MSN: variants seen among roughly 807,000 people sequenced by gnomAD.
The protein encoded by MSN is moesin.
Under a neutral mutation model 48.0 loss-of-function variants are expected in MSN, and 2 were observed. The observed-to-expected ratio is 0.04, with a 90% CI of 0.02 to 0.13. The LOEUF (loss-of-function observed/expected upper bound fraction) is 0.13, where lower values mean the gene tolerates loss of function less well. Ranked by LOEUF, MSN falls within the 10% of genes least tolerant of loss-of-function variation. The pLI, the probability that MSN is intolerant of heterozygous loss-of-function variation, is 1.00. For synonymous variants in MSN, 146 were observed against 166.9 expected (o/e 0.87, Z 0.97); for missense variants, 267 against 470.1 (o/e 0.57, Z 3.99).
intron 1 of MSN, among the ~76,000 whole-genome samples, chrX:65,617,621 C>T (rs1190147715): frequency 8.7e-4 from 88 of 100,610 alleles, no homozygotes; most frequent in African/African-American, 3.3e-3. Flanking sequence ...GTCTTGCTAG[C>T]GGTCTATCAA....
chrX:65,711,678 G>A (rs1010773518), intron 1 of MSN, among the ~76,000 whole-genome samples: 6 of 111,613 alleles, frequency 5.4e-5, no homozygotes, highest in African/African-American at 2.0e-4. Flanking sequence ...CAAATATTTC[G>A]ATATAATTTT....
chrX:65,728,904 G>A (rs1439341973), intron 3 of MSN, among the ~76,000 whole-genome samples: 2 of 111,457 alleles, frequency 1.8e-5, no homozygotes, highest in East Asian at 5.6e-4. Flanking sequence ...ATTGTGTCTA[G>A]GGAGTAGGTA....
chrX:65,645,983 T>G (rs1328336972), intron 1 of MSN, among the ~76,000 whole-genome samples: 1 of 112,220 alleles, frequency 8.9e-6, no homozygotes, highest in Non-Finnish European at 1.9e-5. Flanking sequence ...TTGAAGCATT[T>G]TGAATTCTGG....
intron 1 of MSN, among the ~76,000 whole-genome samples, chrX:65,697,884 T>C (rs1482838850): frequency 8.9e-6 from 1 of 112,129 alleles, no homozygotes; most frequent in Admixed American, 9.4e-5. Context: ...TAGAAGTTGC[T>C]CCTAGTGTTA....
chrX:65,693,245 A>G (rs1055161948), intron 1 of MSN, among the ~76,000 whole-genome samples: 1 of 111,717 alleles, frequency 9.0e-6, no homozygotes, highest in African/African-American at 3.3e-5. Context: ...TTAAAATTGT[A>G]CTTTTCAAAA....
intron 9 of MSN, 50 bp from the exon 10 acceptor site, chrX:65,737,128 G>T (rs1054828587): frequency 1.7e-6 from 2 of 1,173,741 alleles, no homozygotes; most frequent in Non-Finnish European, 2.3e-6. Flanking sequence ...CTATTGTGTC[G>T]TCTTTATCTC....
chrX:65,591,075 C>G (rs967597269), intron 1 of MSN, among the ~76,000 whole-genome samples: 1 of 111,446 alleles, frequency 9.0e-6, no homozygotes, highest in African/African-American at 3.3e-5. Flanking sequence ...TGGGGCCATT[C>G]ATTCTCTCTA....
At chrX:65,670,934 A>T (rs1215270257) in intron 1 of MSN, among the ~76,000 whole-genome samples, 1 of 62,019 alleles carries the variant, frequency 1.6e-5, no homozygotes, top group African/African-American at 5.9e-5. Context: ...ATATATATAT[A>T]TATATATATA....
chrX:65,730,014 G>C (rs1602863726), intron 4 of MSN, among the ~76,000 whole-genome samples: 1 of 111,883 alleles, frequency 8.9e-6, no homozygotes, highest in African/African-American at 3.3e-5. Flanking sequence ...CCCATCCCTG[G>C]TTCCATTTTC....
intron 1 of MSN, among the ~76,000 whole-genome samples, chrX:65,610,912 C>G (rs2070314133): frequency 8.9e-6 from 1 of 112,059 alleles, no homozygotes; most frequent in Admixed American, 9.5e-5. Flanking sequence ...ACCATTTTAA[C>G]AATTTGTAGA....
chrX:65,592,527 GTCC>G (rs1409864123), intron 1 of MSN, among the ~76,000 whole-genome samples: 2 of 109,854 alleles, frequency 1.8e-5, no homozygotes, highest in Non-Finnish European at 3.8e-5. Flanking sequence ...TTGCCCACTC[GTCC>G]TCATCTCTGT....
chrX:65,607,469 G>T (rs1253529844), intron 1 of MSN, among the ~76,000 whole-genome samples: 2 of 111,556 alleles, frequency 1.8e-5, no homozygotes, highest in Non-Finnish European at 3.8e-5. Flanking sequence ...TCCTTTGACA[G>T]ATGGGGAAAA....
intron 1 of MSN, among the ~76,000 whole-genome samples, chrX:65,630,578 G>C (rs911780160): frequency 9.0e-6 from 1 of 110,845 alleles, no homozygotes; most frequent in African/African-American, 3.3e-5. Flanking sequence ...GACAGAATGA[G>C]ACCCTGCCTC....
At chrX:65,703,092 C>T (rs1356870379) in intron 1 of MSN, among the ~76,000 whole-genome samples, 1 of 111,583 alleles carries the variant, frequency 9.0e-6, no homozygotes, top group Non-Finnish European at 1.9e-5. Context: ...TCTTCTTGGG[C>T]AGCCCCTAGC....
chrX:65,599,800 A>G (rs1395646366), intron 1 of MSN, among the ~76,000 whole-genome samples: 2 of 111,133 alleles, frequency 1.8e-5, no homozygotes, highest in South Asian at 3.8e-4. Context: ...AAGGGGTCCC[A>G]GATTTTGGTC....
At chrX:65,625,107 T>C (rs1466260711) in intron 1 of MSN, 1 of 112,851 alleles carries the variant, frequency 8.9e-6, no homozygotes, top group Non-Finnish European at 1.9e-5. Flanking sequence ...CCTTTAGTTA[T>C]TGACTTCACT....
At chrX:65,711,332 T>G (rs1285436320) in intron 1 of MSN, among the ~76,000 whole-genome samples, 2 of 111,269 alleles carry the variant, frequency 1.8e-5, no homozygotes, top group Non-Finnish European at 3.8e-5. Context: ...AGTGCTGGGA[T>G]TACAGGCGTG....
chrX:65,654,494 C>T (rs945550533), intron 1 of MSN, among the ~76,000 whole-genome samples: 1 of 109,905 alleles, frequency 9.1e-6, no homozygotes, highest in Non-Finnish European at 1.9e-5. Flanking sequence ...ATTATTATTA[C>T]CCCAATTTTT....
At chrX:65,633,464 T>G (rs1431357256) in intron 1 of MSN, among the ~76,000 whole-genome samples, 3 of 112,307 alleles carry the variant, frequency 2.7e-5, no homozygotes, top group African/African-American at 6.5e-5. Context: ...TAATCACATC[T>G]CAGTTCTGAT....
Sources: allele counts gnomAD v4.1 joint callset (sites outside exome capture counted in the v4.1 genomes callset), GRCh38; gene constraint gnomAD v4.1.1; transcripts MANE v1.5; gene names NCBI Gene and HGNC (gene_info 2026-07-23, HGNC 2026-07-21).